RERE: variants seen among roughly 807,000 people sequenced by gnomAD.
RERE encodes arginine-glutamic acid dipeptide repeats.
RERE carries 40 observed loss-of-function variants against 146.1 expected under a neutral mutation model. The observed-to-expected ratio is 0.27, with a 90% CI of 0.21 to 0.36. The LOEUF (loss-of-function observed/expected upper bound fraction) is 0.36, where lower values mean the gene tolerates loss of function less well. RERE is among the 10% of genes least tolerant of loss of function. RERE has a pLI of 1.00. For synonymous variants in RERE, 1,003 were observed against 866.0 expected, an observed-to-expected ratio of 1.16 and a Z score of -2.78; for missense variants, 1,933 against 2,138.7, an observed-to-expected ratio of 0.90 and a Z score of 1.90.
chr1:8,658,832 T>C (rs557989997), intron 1 of RERE, among the ~76,000 whole-genome samples: 1 of 152,082 alleles, frequency 6.6e-6, no homozygotes, highest in African/African-American at 2.4e-5. Flanking sequence ...ACAATTACCA[T>C]ATATTCTCTG....
chr1:8,536,097 T>A (rs1279765210), intron 7 of RERE, among the ~76,000 whole-genome samples: 2 of 135,308 alleles, frequency 1.5e-5, no homozygotes, highest in Non-Finnish European at 3.1e-5. Flanking sequence ...AGAGCGAGAC[T>A]CCATCTCAAA....
At chr1:8,590,624 G>C (rs1646481022) in intron 4 of RERE, among the ~76,000 whole-genome samples, 1 of 152,134 alleles carries the variant, frequency 6.6e-6, no homozygotes, top group Non-Finnish European at 1.5e-5. Flanking sequence ...CTATGCTGCT[G>C]GAAATAGTAT....
At chr1:8,377,530 C>T (rs997558618) in intron 12 of RERE, among the ~76,000 whole-genome samples, 2 of 152,006 alleles carry the variant, frequency 1.3e-5, no homozygotes, top group African/African-American at 4.8e-5. Context: ...GATTTCACTG[C>T]CGTTGGTTCT....
intron 2 of RERE, among the ~76,000 whole-genome samples, chr1:8,632,007 C>T (rs1384636149): frequency 1.3e-5 from 2 of 152,134 alleles, no homozygotes; most frequent in African/African-American, 2.4e-5. Context: ...ACAATTCTAT[C>T]CTCAATTTAA....
At chr1:8,611,485 C>T (rs1401649457) in intron 4 of RERE, among the ~76,000 whole-genome samples, 3 of 152,162 alleles carry the variant, frequency 2.0e-5, no homozygotes, top group African/African-American at 7.2e-5. Flanking sequence ...GCCTGCATGA[C>T]AGGGTGAGAC....
intron 1 of RERE, among the ~76,000 whole-genome samples, chr1:8,669,193 G>A (rs1052797028): frequency 2.0e-5 from 3 of 151,458 alleles, no homozygotes; most frequent in South Asian, 2.1e-4. Context: ...CCCCCAACTC[G>A]GCCTCTCCAG....
intron 12 of RERE, among the ~76,000 whole-genome samples, chr1:8,379,923 G>A (rs1275312261): frequency 2.0e-5 from 3 of 152,178 alleles, no homozygotes; most frequent in African/African-American, 4.8e-5. Flanking sequence ...AATGCAGCAC[G>A]TATGCCACAA....
chr1:8,389,592 C>T (rs1425784438), intron 12 of RERE, among the ~76,000 whole-genome samples: 1 of 152,156 alleles, frequency 6.6e-6, no homozygotes, highest in Non-Finnish European at 1.5e-5. Flanking sequence ...TACCGCCACA[C>T]ATGCTAACAA....
intron 1 of RERE, among the ~76,000 whole-genome samples, chr1:8,721,626 A>G (rs577207186): frequency 1.3e-5 from 2 of 152,206 alleles, no homozygotes; most frequent in Admixed American, 6.5e-5. Flanking sequence ...AGATTCTTAA[A>G]ACCTCTTCTG....
intron 12 of RERE, among the ~76,000 whole-genome samples, chr1:8,403,980 G>C (rs537563387): frequency 6.6e-6 from 1 of 151,512 alleles, no homozygotes; most frequent in African/African-American, 2.4e-5. Context: ...ACAGGCACGC[G>C]TCACCACGTC....
intron 7 of RERE, among the ~76,000 whole-genome samples, chr1:8,535,710 T>C (rs1470496042): frequency 3.3e-5 from 5 of 152,034 alleles, no homozygotes; most frequent in Admixed American, 6.6e-5. Flanking sequence ...AACATAATGA[T>C]AGTAACATAT....
chr1:8,677,285 CA>C, intron 1 of RERE, among the ~76,000 whole-genome samples: 1 of 151,932 alleles, frequency 6.6e-6, no homozygotes, highest in South Asian at 2.1e-4. Flanking sequence ...CAAAATTAGC[CA>C]GGCGTGGTGG....
intron 11 of RERE, among the ~76,000 whole-genome samples, chr1:8,442,019 G>A (rs1263976588): frequency 6.6e-6 from 1 of 151,972 alleles, no homozygotes; most frequent in African/African-American, 2.4e-5. Flanking sequence ...TTAGTATAAA[G>A]TCCCTGGGGA....
At chr1:8,614,412 T>A in intron 4 of RERE, 149 bp downstream of exon 4, 1 of 734,934 alleles carries the variant, frequency 1.4e-6, no homozygotes. Context: ...CGTATTTTGC[T>A]TCCTCTGTGC....
intron 12 of RERE, among the ~76,000 whole-genome samples, chr1:8,386,828 G>A (rs1019530253): frequency 3.3e-5 from 5 of 152,094 alleles, no homozygotes; most frequent in African/African-American, 9.7e-5. Flanking sequence ...GGGAAAAGCT[G>A]CAACTTTGGG....
At chr1:8,797,849 C>G (rs1276476598) in intron 1 of RERE, among the ~76,000 whole-genome samples, 1 of 152,198 alleles carries the variant, frequency 6.6e-6, no homozygotes, top group African/African-American at 2.4e-5. Context: ...AAAAGTTGTA[C>G]TTTCTCATTT....
intron 7 of RERE, among the ~76,000 whole-genome samples, chr1:8,527,164 C>T (rs984374980): frequency 1.3e-5 from 2 of 152,192 alleles, no homozygotes. Context: ...ATTCAATAAA[C>T]TCTTATCCTG....
At chr1:8,403,211 T>C (rs1221051575) in intron 12 of RERE, among the ~76,000 whole-genome samples, 2 of 151,974 alleles carry the variant, frequency 1.3e-5, no homozygotes, top group Non-Finnish European at 2.9e-5. Context: ...ATCCAGTCTC[T>C]TTAATAATTA....
chr1:8,585,558 C>T (rs1646418054), intron 4 of RERE, among the ~76,000 whole-genome samples: 2 of 152,112 alleles, frequency 1.3e-5, no homozygotes, highest in African/African-American at 4.8e-5. Context: ...GATGGAACAC[C>T]TTGGCATAGA....
Sources: allele counts gnomAD v4.1 joint callset (sites outside exome capture counted in the v4.1 genomes callset), GRCh38; gene constraint gnomAD v4.1.1; transcripts MANE v1.5; gene names NCBI Gene and HGNC (gene_info 2026-07-23, HGNC 2026-07-21).